Variants in CUL2 observed in about 807,000 individuals in gnomAD.
The protein encoded by CUL2 is cullin-2.
A neutral mutation model predicts 110.2 loss-of-function variants in CUL2; 22 were observed. The observed-to-expected ratio is 0.20, with a 90% CI of 0.14 to 0.28. CUL2 has a LOEUF of 0.28. CUL2 is among the 10% of genes least tolerant of loss of function. The pLI is 1.00. For synonymous variants in CUL2, 279 were observed against 293.2 expected (o/e 0.95, Z 0.49); for missense variants, 631 against 905.5 (o/e 0.70, Z 3.89).
chr10:35,045,412 C>A (rs973803252), intron 6 of CUL2, among the ~76,000 whole-genome samples: 1 of 151,334 alleles, frequency 6.6e-6, no homozygotes, highest in Non-Finnish European at 1.5e-5. Flanking sequence ...TAGAGCGAGA[C>A]CTCATTCAAA....
At chr10:35,049,489 GA>G (rs761056785) in intron 6 of CUL2, among the ~76,000 whole-genome samples, 193 bp downstream of exon 6, 1 of 131,158 alleles carries the variant, frequency 7.6e-6, no homozygotes, top group Non-Finnish European at 1.6e-5. Context: ...CCACCAAAAA[GA>G]AAAAAAAAGA....
At chr10:35,065,417 G>C (rs1241532053) in intron 2 of CUL2, among the ~76,000 whole-genome samples, 1 of 152,058 alleles carries the variant, frequency 6.6e-6, no homozygotes, top group Non-Finnish European at 1.5e-5. Flanking sequence ...TCAGGAGATC[G>C]AGACCATCCT....
chr10:35,055,754 T>C (rs1329436271), intron 4 of CUL2, among the ~76,000 whole-genome samples: 5 of 152,228 alleles, frequency 3.3e-5, no homozygotes, highest in Non-Finnish European at 7.3e-5. Flanking sequence ...TTTTTTCCCC[T>C]TTAAAATGCC....
In CUL2 at chr10:35,056,946, C is replaced by T. The variant is rs75783845; in HGVS notation, c.318-2407G>A. Among the ~76,000 whole-genome samples the T allele has an allele frequency of 9.0e-4, 137 of 152,298 alleles. 2 individuals carry two copies. The East Asian group carries it at 0.025, about 28-fold the overall frequency. On this transcript the variant is annotated intron_variant, in intron 4 of 20. Transcript: ENST00000374749. ...TCCTCTCACTACTTCCTTTGACTTC[C>T]AATCTACTTGCTGACCCTCTGCCCC...
intron 9 of CUL2, among the ~76,000 whole-genome samples, chr10:35,037,211 G>T (rs2085644843): frequency 6.6e-6 from 1 of 152,158 alleles, no homozygotes; most frequent in African/African-American, 2.4e-5. Context: ...GTATCTTGAG[G>T]TAGTGATCAA....
At chr10:35,126,987 T>C (rs2135180481), upstream of CUL2, 1 of 151,968 alleles carries the variant, frequency 6.6e-6, no homozygotes, top group South Asian at 2.1e-4. Flanking sequence ...CGCGGTTCGG[T>C]CGGCTGCAGC....
chr10:35,011,616 TCAA>T (rs928738417), intron 20 of CUL2, among the ~76,000 whole-genome samples: 4 of 152,066 alleles, frequency 2.6e-5, no homozygotes, highest in Admixed American at 1.3e-4. Context: ...AGACTCTGTC[TCAA>T]CAACAACAAC....
At chr10:35,016,161 T>A in intron 18 of CUL2, 31 bp downstream of exon 18, 1 of 1,561,628 alleles carries the variant, frequency 6.4e-7, no homozygotes, top group Non-Finnish European at 8.8e-7. Context: ...ATGCTGATGA[T>A]GCTTAAATTC....
chr10:35,010,512 C>T lies in CUL2; in HGVS notation c.2107-70G>A, dbSNP rs915603554. The T allele has an allele frequency of 1.6e-5, 23 of 1,456,184 alleles. No homozygotes were observed. The Admixed American group carries it at 4.6e-4, about 29-fold the overall frequency. 90.2% of individuals were successfully genotyped at this position (1,456,184 alleles called of 1,614,324 possible). On this transcript the variant is annotated intron_variant, in intron 20 of 20. Coordinates refer to ENST00000374749, the MANE Select transcript of CUL2 (RefSeq NM_003591.4). ...TATTAAGTAATGACTTTTAACCAAT[C>T]AGTTTAAAGTGCCTCAAATGTACTG...
chr10:35,024,066 A>T (rs1250754256), intron 17 of CUL2, among the ~76,000 whole-genome samples: 1 of 152,120 alleles, frequency 6.6e-6, no homozygotes, highest in African/African-American at 2.4e-5. Context: ...AACTCCTGGG[A>T]TTAAGTGACC....
At chr10:35,103,308 ATTTTTTTTTTTT>A (rs67257350) in intron 1 of CUL2, among the ~76,000 whole-genome samples, 1 of 94,546 alleles carries the variant, frequency 1.1e-5, no homozygotes, top group Admixed American at 1.5e-4. Context: ...GGCCAAGCTA[ATTTTTTTTTTTT>A]TTTTTTTTTT....
intron 1 of CUL2, among the ~76,000 whole-genome samples, chr10:35,107,670 C>T (rs550680345): frequency 1.1e-4 from 16 of 151,290 alleles, no homozygotes; most frequent in Admixed American, 3.3e-4. Context: ...ATCACGAGGT[C>T]AGGAGATGGA....
intron 9 of CUL2, among the ~76,000 whole-genome samples, chr10:35,036,789 A>C (rs1178743034): frequency 6.6e-6 from 1 of 152,036 alleles, no homozygotes; most frequent in Non-Finnish European, 1.5e-5. Context: ...GCTGGAGTGC[A>C]GTGGCAGGAT....
In CUL2 at chr10:35,107,000, A is replaced by G. The variant is rs547304101; in HGVS notation, c.-50-5940T>C. On this transcript the variant is annotated intron_variant, in intron 1 of 5. Transcript: ENST00000685421. ...TGTTTGTTTTTTTGTTTTGAGGCAG[A>G]GTTTCACTCTGTCACCCAGAGTAGA... is the stretch of plus-strand genomic sequence containing the variant. Among the ~76,000 whole-genome samples the G allele has an allele frequency of 1.3e-4, 20 of 151,574 alleles. No homozygotes were observed. The East Asian group carries it at 3.1e-3, about 24-fold the overall frequency.
rs576946076 is a variant in CUL2, at chr10:35,124,080, A to G, written c.-51+2525T>C. On this transcript the variant is annotated intron_variant, in intron 1 of 5. Transcript: ENST00000685421. ...TGCCTGTAATCCCAACACTTTGGGA[A>G]GCCGAGGTGGGAGGATCGCTTTAGA... 1.5e-3 allele frequency among the ~76,000 whole-genome samples: 229 copies of G among 152,136 alleles called. 1 individual carries two copies. Among genetic ancestry groups the G allele is most frequent in the Non-Finnish European group, 2.7e-3 (181 of 68,016 alleles).
chr10:35,074,569 C>A (rs1388136873), intron 1 of CUL2, among the ~76,000 whole-genome samples: 1 of 152,164 alleles, frequency 6.6e-6, no homozygotes, highest in Admixed American at 6.5e-5. Context: ...GCACTGCAAC[C>A]TCCACCTCCC....
At chr10:35,102,540 C>A (rs2087396311) in intron 1 of CUL2, among the ~76,000 whole-genome samples, 1 of 151,982 alleles carries the variant, frequency 6.6e-6, no homozygotes, top group Non-Finnish European at 1.5e-5. Flanking sequence ...CCACTGCACT[C>A]CAGCCTGAGC....
At chr10:35,097,631 C>A (rs565040251) in intron 2 of CUL2, among the ~76,000 whole-genome samples, 4 of 152,194 alleles carry the variant, frequency 2.6e-5, no homozygotes, top group African/African-American at 7.2e-5. Flanking sequence ...TCATCCTCCC[C>A]AAACCCCTAA....
At chr10:35,022,593 T>C (rs1240312291) in intron 17 of CUL2, among the ~76,000 whole-genome samples, 2 of 152,114 alleles carry the variant, frequency 1.3e-5, no homozygotes, top group Non-Finnish European at 2.9e-5. Context: ...TCAATACACA[T>C]AGCGTGTGAG....
Sources: gnomAD v4.1 joint callset for allele counts (sites outside exome capture counted in the v4.1 genomes callset) on GRCh38, gnomAD v4.1.1 for gene constraint, MANE v1.5 for transcripts, NCBI Gene and HGNC (gene_info 2026-07-23, HGNC 2026-07-21) for gene names.